The following PDE4DIP variants were observed in gnomAD, a reference collection of about 807,000 sequenced individuals.
PDE4DIP encodes the protein phosphodiesterase 4D interacting protein.
Under a neutral mutation model 221.4 loss-of-function variants are expected in PDE4DIP, and 59 were observed. That is an observed-to-expected ratio of 0.27 (90% CI 0.22 to 0.33). The LOEUF (loss-of-function observed/expected upper bound fraction) is 0.33, where lower values mean the gene tolerates loss of function less well. Ranked by LOEUF, PDE4DIP falls within the 10% of genes least tolerant of loss-of-function variation. The pLI, the probability that PDE4DIP is intolerant of heterozygous loss-of-function variation, is 1.00. For synonymous variants in PDE4DIP, 404 were observed against 815.9 expected, an observed-to-expected ratio of 0.50 and a Z score of 8.60; for missense variants, 1,036 against 2,154.2, an observed-to-expected ratio of 0.48 and a Z score of 10.28.
chr1:148,956,523 G>A (rs2055388232), intron 5 of PDE4DIP, among the ~76,000 whole-genome samples: 1 of 152,122 alleles, frequency 6.6e-6, no homozygotes, highest in Non-Finnish European at 1.5e-5. Flanking sequence ...ACCTAAGGCT[G>A]TTCAGATATC....
chr1:148,888,311 A>C, upstream of PDE4DIP, among the ~76,000 whole-genome samples: 1 of 152,250 alleles, frequency 6.6e-6, no homozygotes, highest in Middle Eastern at 3.4e-3. Context: ...CATAATGTAA[A>C]ACACATATCT....
At position 148,961,968 on chromosome 1, in the gene PDE4DIP, A is replaced by G. The variant is rs1553511415; in HGVS notation, c.888+12A>G. The G allele has an allele frequency of 3.1e-6, 3 of 959,496 alleles. No homozygotes were observed. The Admixed American group carries it at 5.3e-5, about 17-fold the overall frequency. The allele number at this position is 959,496 out of a possible 1,614,324, so 59.4% of individuals were successfully genotyped here. A position where few individuals can be genotyped will look rare whatever the true frequency, so the allele number is the denominator to read the frequency against. On this transcript the variant is annotated intron_variant, in intron 7 of 43. Transcript: ENST00000369354. The stretch of plus-strand genomic sequence containing the variant: ...GCAGGGAACGTGAGGTAACATATTT[A>G]CCAATCAAGGACCTGTGTGGAAACA...
At chr1:148,992,884 G>C in intron 22 of PDE4DIP, 9 of 1,061,088 alleles carry the variant, frequency 8.5e-6, no homozygotes, top group Non-Finnish European at 1.0e-5. Context: ...TATGTCTTCT[G>C]CATAAGACAA....
chr1:148,936,562 C>A (rs2049218300), intron 4 of PDE4DIP, among the ~76,000 whole-genome samples: 1 of 151,742 alleles, frequency 6.6e-6, no homozygotes, highest in African/African-American at 2.4e-5. Flanking sequence ...ATAAATGGAA[C>A]TTGCAGCACT....
In PDE4DIP at chr1:148,979,974, G is replaced by C. The variant is rs587689508; in HGVS notation, c.2687+125G>C. 2.5e-5 allele frequency: 32 copies of C among 1,280,504 alleles called. No individual in the cohort carries two copies. The Admixed American group carries it at 6.0e-4, about 24-fold the overall frequency. The allele number at this position is 1,280,504 out of a possible 1,614,324, so 79.3% of individuals were successfully genotyped here. ...ATGATACTGAAGAGGGGAGAAAAAA[G>C]AGGGACAATTACCGGGGCTACCCAC... On this transcript the variant is annotated intron_variant, in intron 20 of 43. Coordinates refer to ENST00000369354, the Ensembl canonical transcript of PDE4DIP.
chr1:148,987,062 A>G (rs1177289568), intron 21 of PDE4DIP, among the ~76,000 whole-genome samples: 9 of 152,114 alleles, frequency 5.9e-5, no homozygotes, highest in African/African-American at 2.2e-4. Flanking sequence ...GGGATTTCAT[A>G]CCCCCAAAAG....
At chr1:148,927,195 CTT>C (rs1157012033) in intron 1 of PDE4DIP, among the ~76,000 whole-genome samples, 3 of 151,788 alleles carry the variant, frequency 2.0e-5, no homozygotes, top group African/African-American at 7.3e-5. Context: ...AAAATAATAA[CTT>C]TAAAGTATAT....
chr1:149,020,807 G>T (rs1242617175), intron 36 of PDE4DIP: 12 of 551,814 alleles, frequency 2.2e-5, no homozygotes, highest in African/African-American at 1.9e-4. Context: ...GTAATGGTGT[G>T]TTTTCAAGCA....
At chr1:148,959,485 CAA>C (rs1297217909) in intron 5 of PDE4DIP, among the ~76,000 whole-genome samples, 2 of 151,876 alleles carry the variant, frequency 1.3e-5, no homozygotes, top group Non-Finnish European at 2.9e-5. Flanking sequence ...GTGAGGGAAA[CAA>C]AAAATGAATA....
In PDE4DIP at chr1:149,029,772, G is replaced by C. The variant is rs370336260; in HGVS notation, c.6814-15G>C. On this transcript the variant is annotated splice_polypyrimidine_tract_variant and intron_variant, in intron 41 of 43. Transcript: ENST00000369354. ...CCTTCTGCCTGGTCAGTAAGAGTCTGTTCCTCTTATCCAGGGAGAATCAAC... is the reference window on the plus strand; with the variant it reads ...CCTTCTGCCTGGTCAGTAAGAGTCTCTTCCTCTTATCCAGGGAGAATCAAC... 1.9e-5 allele frequency: 25 copies of C among 1,293,812 alleles called. No homozygotes were observed. The highest frequency in any genetic ancestry group is 2.7e-5 in the Non-Finnish European group (24 of 898,384). 80.1% of individuals were successfully genotyped at this position (1,293,812 alleles called of 1,614,324 possible).
intron 22 of PDE4DIP, among the ~76,000 whole-genome samples, chr1:148,995,667 T>G (rs1304360213): frequency 6.6e-6 from 1 of 151,460 alleles, no homozygotes; most frequent in East Asian, 1.9e-4. Flanking sequence ...ACACTATCAC[T>G]ACAAATACTG....
At chr1:149,023,549 T>G (rs1188801163) in intron 37 of PDE4DIP, among the ~76,000 whole-genome samples, 2 of 146,998 alleles carry the variant, frequency 1.4e-5, no homozygotes, top group African/African-American at 5.0e-5. Context: ...ATATATATAT[T>G]TATATATATG....
intron 21 of PDE4DIP, chr1:148,985,835 AAT>A (rs1474692690): frequency 6.6e-6 from 1 of 152,168 alleles, no homozygotes; most frequent in African/African-American, 2.4e-5. Flanking sequence ...TATTTAAAAT[AAT>A]ATGGAGAATA....
At chr1:148,999,763 A>T (rs587660968) in intron 23 of PDE4DIP, among the ~76,000 whole-genome samples, 16 of 152,064 alleles carry the variant, frequency 1.1e-4, no homozygotes, top group Non-Finnish European at 2.1e-4. Flanking sequence ...ATCCCTGTGG[A>T]TTATTTTCCT....
chr1:148,982,973 T>G (rs1183620653), intron 21 of PDE4DIP: 1 of 152,124 alleles, frequency 6.6e-6, no homozygotes, highest in Non-Finnish European at 1.5e-5. Context: ...AATCTTCTGA[T>G]TAAGTCATTT....
exon 33 of PDE4DIP, chr1:149,016,319 G>A (rs1575426940): frequency 5.6e-6 from 9 of 1,613,330 alleles, no homozygotes; most frequent in Middle Eastern, 1.7e-4. Flanking sequence ...TGTTCCTCCT[G>A]CTTCCACAGC....
intron 5 of PDE4DIP, among the ~76,000 whole-genome samples, chr1:148,960,263 G>A (rs1430587580): frequency 2.0e-5 from 3 of 151,254 alleles, no homozygotes; most frequent in Admixed American, 2.0e-4. Context: ...CTTCTCTCAG[G>A]AAGTGTAAGT....
chr1:149,032,203 A>G, exon 44 of PDE4DIP: 2 of 830,388 alleles, frequency 2.4e-6, no homozygotes, highest in Non-Finnish European at 3.8e-6. Flanking sequence ...CGGCTATGGA[A>G]TACGATTAGC....
intron 1 of PDE4DIP, among the ~76,000 whole-genome samples, chr1:148,829,029 C>T (rs1194615570): frequency 6.8e-6 from 1 of 147,204 alleles, no homozygotes; most frequent in African/African-American, 2.5e-5. Flanking sequence ...CACACACACA[C>T]ACACACACAC....
Sources: gnomAD v4.1 joint callset for allele counts (sites outside exome capture counted in the v4.1 genomes callset) on GRCh38, gnomAD v4.1.1 for gene constraint, MANE v1.5 for transcripts, NCBI Gene and HGNC (gene_info 2026-07-23, HGNC 2026-07-21) for gene names.